NLK: variants seen among roughly 807,000 people sequenced by gnomAD.
NLK encodes serine/threonine-protein kinase NLK.
In NLK, 11 loss-of-function variants were observed where a neutral mutation model predicts 59.0. The ratio of observed to expected loss-of-function variants is 0.19; its 90% CI spans 0.12 to 0.31. The LOEUF is 0.31. Among genes scored for constraint, NLK ranks in the 10% least tolerant of loss-of-function variants. NLK has a pLI of 1.00. For synonymous variants in NLK, 235 were observed against 235.9 expected (o/e 1.00, Z 0.03); for missense variants, 410 against 661.1 (o/e 0.62, Z 4.16).
At chr17:28,157,083 CAG>C (rs1427233413) in intron 3 of NLK, among the ~76,000 whole-genome samples, 42 of 152,088 alleles carry the variant, frequency 2.8e-4, no homozygotes, top group Non-Finnish European at 7.4e-5. Flanking sequence ...GTGGCAAGAT[CAG>C]GGCTCACTGC....
chr17:28,062,897 A>G (rs1186934442), intron 1 of NLK, among the ~76,000 whole-genome samples: 2 of 152,174 alleles, frequency 1.3e-5, no homozygotes, highest in African/African-American at 4.8e-5. Flanking sequence ...AATAACTTTT[A>G]TCAAAAATTA....
intron 3 of NLK, among the ~76,000 whole-genome samples, chr17:28,158,860 A>G (rs963123523): frequency 2.6e-5 from 4 of 152,164 alleles, no homozygotes; most frequent in African/African-American, 7.2e-5. Context: ...ACACAAACAT[A>G]TACATTAGCC....
intron 7 of NLK, among the ~76,000 whole-genome samples, chr17:28,175,306 T>G (rs62067263): frequency 1.3e-5 from 2 of 151,760 alleles, no homozygotes; most frequent in African/African-American, 4.8e-5. Context: ...AAAAAAAATT[T>G]AGCCAGGCGT....
chr17:28,080,109 G>T (rs559729188), intron 1 of NLK, among the ~76,000 whole-genome samples: 81 of 152,230 alleles, frequency 5.3e-4, no homozygotes, highest in African/African-American at 1.7e-3. Context: ...GAAATTATGT[G>T]CAGTATTTTG....
At chr17:28,141,262 AT>A (rs1456339683) in intron 3 of NLK, among the ~76,000 whole-genome samples, 4 of 152,168 alleles carry the variant, frequency 2.6e-5, no homozygotes, top group African/African-American at 4.8e-5. Context: ...CTTTTCCTAA[AT>A]TCTTCTTGTA....
intron 1 of NLK, among the ~76,000 whole-genome samples, chr17:28,075,788 AT>A (rs1452299632): frequency 7.3e-5 from 11 of 151,360 alleles, no homozygotes; most frequent in East Asian, 3.9e-4. Context: ...CTTCCTACCC[AT>A]TTTTTCCCCC....
At chr17:28,199,107 G>GT (rs1296492113), downstream of NLK, among the ~76,000 whole-genome samples, 2 of 152,192 alleles carry the variant, frequency 1.3e-5, no homozygotes, top group Non-Finnish European at 2.9e-5. Context: ...TATGGTAGAC[G>GT]TTTTCCGCAA....
At position 28,132,632 on chromosome 17, in the gene NLK, C is replaced by G. The variant is rs1175668212; in HGVS notation, c.601C>G (p.Leu201Val). 6.2e-7 allele frequency: 1 copy of G among 1,610,220 alleles called. No homozygotes were observed. Among genetic ancestry groups the G allele is most frequent in the Non-Finnish European group, 8.5e-7 (1 of 1,178,052 alleles). ...TTCCTTTTCTCAGGTACTCTCTGCCCTTGACATACTCCAACCTCCACACAT... is the reference window on the plus strand; with the variant it reads ...TTCCTTTTCTCAGGTACTCTCTGCCGTTGACATACTCCAACCTCCACACAT... Reference protein sequence around the residue: ...FFKHDNVLSALDILQPPHIDY... With the variant: ...FFKHDNVLSAVDILQPPHIDY... Residue 201 changes from leucine to valine, a missense_variant, in exon 3 of 11, where the codon CTT becomes GTT. By Grantham distance (32) the Leu-to-Val change is conservative. Transcript: ENST00000407008.
At chr17:28,070,613 A>T (rs1485569085) in intron 1 of NLK, among the ~76,000 whole-genome samples, 1 of 151,914 alleles carries the variant, frequency 6.6e-6, no homozygotes, top group Non-Finnish European at 1.5e-5. Context: ...GGCCTCCCAA[A>T]GTGCTGGGAT....
intron 3 of NLK, among the ~76,000 whole-genome samples, chr17:28,157,255 G>T (rs900188845): frequency 6.6e-6 from 1 of 151,986 alleles, no homozygotes; most frequent in African/African-American, 2.4e-5. Flanking sequence ...GCAGTGGTGC[G>T]ATCTCAGCTC....
chr17:28,148,007 T>C (rs1008123275), intron 3 of NLK, among the ~76,000 whole-genome samples: 4 of 152,156 alleles, frequency 2.6e-5, no homozygotes, highest in Non-Finnish European at 5.9e-5. Flanking sequence ...AAGATAAACT[T>C]TTATGCAAAT....
At chr17:28,120,814 T>C (rs181392458) in intron 1 of NLK, among the ~76,000 whole-genome samples, 10 of 152,324 alleles carry the variant, frequency 6.6e-5, no homozygotes, top group Admixed American at 6.5e-4. Flanking sequence ...AATGAATCCA[T>C]AAAGAAGTTT....
intron 1 of NLK, among the ~76,000 whole-genome samples, chr17:28,064,200 A>G (rs1325294824): frequency 1.2e-3 from 38 of 33,032 alleles, no homozygotes; most frequent in African/African-American, 3.6e-3. Flanking sequence ...TTTTTTTTTT[A>G]AAGAGACAAG....
chr17:28,130,291 T>C (rs1363050269), intron 2 of NLK, among the ~76,000 whole-genome samples: 3 of 152,200 alleles, frequency 2.0e-5, no homozygotes, highest in African/African-American at 4.8e-5. Context: ...CTTACTCATT[T>C]ACATTGCTTT....
intron 3 of NLK, among the ~76,000 whole-genome samples, chr17:28,155,866 T>G (rs1395158056): frequency 6.6e-6 from 1 of 152,138 alleles, no homozygotes; most frequent in Non-Finnish European, 1.5e-5. Flanking sequence ...CCAACATGGC[T>G]CATGTATACC....
intron 7 of NLK, among the ~76,000 whole-genome samples, chr17:28,180,973 G>T (rs2142065157): frequency 6.6e-6 from 1 of 152,238 alleles, no homozygotes; most frequent in East Asian, 1.9e-4. Context: ...AAATACTTAG[G>T]CTGGGCATGG....
At chr17:28,192,633 A>C (rs548341810) in intron 10 of NLK, among the ~76,000 whole-genome samples, 9 of 152,010 alleles carry the variant, frequency 5.9e-5, no homozygotes. Flanking sequence ...GCACCATTGC[A>C]CTCCAGCCTA....
chr17:28,102,663 A>G (rs1028352111), intron 1 of NLK, among the ~76,000 whole-genome samples: 2 of 152,074 alleles, frequency 1.3e-5, no homozygotes, highest in African/African-American at 4.8e-5. Flanking sequence ...AAAAAAAAAA[A>G]AAGTTTTTAC....
At position 28,042,837 on chromosome 17, in the gene NLK, C is replaced by G; in HGVS notation, c.-37C>G. The G allele has an allele frequency of 6.8e-7, 1 of 1,461,874 alleles. No individual in the cohort carries two copies. The highest frequency in any genetic ancestry group is 9.1e-7 in the Non-Finnish European group (1 of 1,099,494). 90.6% of individuals were successfully genotyped at this position (1,461,874 alleles called of 1,614,324 possible). On this transcript the variant is annotated 5_prime_UTR_variant, in exon 1 of 11. Coordinates refer to ENST00000407008, the MANE Select transcript of NLK (RefSeq NM_016231.5). ...TTTAAATGGCCAAATGACAGCTTGA[C>G]CCAGTTTGCTTTCCAATCAAAGGGC...
Sources: allele counts gnomAD v4.1 joint callset (sites outside exome capture counted in the v4.1 genomes callset), GRCh38; gene constraint gnomAD v4.1.1; transcripts MANE v1.5; gene names NCBI Gene and HGNC (gene_info 2026-07-23, HGNC 2026-07-21).